SCEL: variants seen among roughly 807,000 people sequenced by gnomAD.
SCEL encodes the protein sciellin.
A neutral mutation model predicts 117.6 loss-of-function variants in SCEL; 113 were observed. The ratio of observed to expected loss-of-function variants is 0.96; its 90% CI spans 0.83 to 1.12. The LOEUF (loss-of-function observed/expected upper bound fraction) is 1.12, where lower values mean the gene tolerates loss of function less well. Ranked by LOEUF, SCEL falls within the 50% of genes most tolerant of loss-of-function variation. SCEL has a pLI of 0.00. For missense variants in SCEL, 785 were observed against 810.8 expected (o/e 0.97, Z 0.39); for synonymous variants, 270 against 256.2 (o/e 1.05, Z -0.51).
chr13:77,614,819 T>C (rs940488441), intron 24 of SCEL, among the ~76,000 whole-genome samples: 1 of 152,146 alleles, frequency 6.6e-6, no homozygotes, highest in African/African-American at 2.4e-5. Flanking sequence ...CTATGATCTC[T>C]TAGGCAGTGA....
chr13:77,540,789 CAGAA>C (rs1277696454), intron 1 of SCEL, among the ~76,000 whole-genome samples: 1 of 152,280 alleles, frequency 6.6e-6, no homozygotes, highest in South Asian at 2.1e-4. Flanking sequence ...TTTATCCTGA[CAGAA>C]AGGGAACACC....
intron 24 of SCEL, among the ~76,000 whole-genome samples, chr13:77,614,925 A>G (rs921358838): frequency 6.6e-5 from 10 of 152,122 alleles, no homozygotes; most frequent in African/African-American, 2.4e-4. Context: ...CAAAAAGAGA[A>G]TTCAGTAGAC....
Position 77,563,897 on chromosome 13 carries a change from C to G in SCEL, c.288C>G (p.Asp96Glu), listed in dbSNP as rs751441394. The change falls in exon 5 of 33, where the codon GAC becomes GAG. Residue 96 changes from aspartate to glutamate, a missense_variant and splice_region_variant. Physicochemically the swap from Asp to Glu is conservative, Grantham distance 45 (BLOSUM62 2). Coordinates refer to ENST00000349847, the MANE Select transcript of SCEL (RefSeq NM_144777.3). ...GGTACAGTTCTGATGACACTTTGGA[C>G]AGGTAAGGGGCTTTTGAACCATATA... ...ISRYSSDDTL[D>E]RISDRNDAAK... 17 of 1,585,844 alleles carry G rather than the reference C, an allele frequency of 1.1e-5. No homozygotes were observed. In the Admixed American group the frequency reaches 2.0e-4, roughly 19 times the overall value.
At chr13:77,634,278 A>G in intron 28 of SCEL, 101 bp from the exon 29 acceptor site, 1 of 960,948 alleles carries the variant, frequency 1.0e-6, no homozygotes, top group Non-Finnish European at 1.6e-6. Flanking sequence ...TTCAGAAGGA[A>G]CATATATTCA....
At chr13:77,547,042 T>C (rs537278807) in intron 1 of SCEL, among the ~76,000 whole-genome samples, 2 of 152,296 alleles carry the variant, frequency 1.3e-5, no homozygotes, top group South Asian at 4.1e-4. Flanking sequence ...CTGAGAAATG[T>C]GGCTTTAGAT....
At chr13:77,636,570 AGTG>A (rs1206422980) in intron 29 of SCEL, among the ~76,000 whole-genome samples, 1 of 152,224 alleles carries the variant, frequency 6.6e-6, no homozygotes, top group Non-Finnish European at 1.5e-5. Flanking sequence ...TCCAGGAAAT[AGTG>A]GTGTTTAAAA....
Position 77,638,881 on chromosome 13 carries a change from C to T in SCEL, c.1838+1687C>T, listed in dbSNP as rs148241262. Among the ~76,000 whole-genome samples the T allele has an allele frequency of 4.4e-3, 663 of 152,146 alleles. 8 individuals are homozygous for T. Among genetic ancestry groups the T allele is most frequent in the African/African-American group, 0.015 (640 of 41,500 alleles). ...GAATTCCTCCACCAACCCCTCATCCCCACCCCACCAAGCCCACCTTGAGAG... is the reference window on the plus strand; with the variant it reads ...GAATTCCTCCACCAACCCCTCATCCTCACCCCACCAAGCCCACCTTGAGAG... On this transcript the variant is annotated intron_variant, in intron 30 of 32. Transcript: ENST00000349847.
rs2087041478 is a variant in SCEL at position 77,593,516 on chromosome 13, G to A, written c.695G>A (p.Ser232Asn). 6.2e-7 allele frequency: 1 copy of A among 1,611,270 alleles called. No individual in the cohort carries two copies. The highest frequency in any genetic ancestry group is 1.3e-5 in the African/African-American group (1 of 74,900). The stretch of plus-strand genomic sequence containing the variant: ...TATTTATTTTTCATTGTTTGAAGGA[G>A]TCAGGATCTTGATAACATCGTCAAA... ...TNRSAERNIRSQDLDNIVKVA... is the reference protein window; with the variant it reads ...TNRSAERNIRNQDLDNIVKVA... Residue 232 changes from serine (S) to asparagine (N), a missense_variant and splice_region_variant, in exon 12 of 33, where the codon AGT becomes AAT. Physicochemically the swap from Ser to Asn is conservative, Grantham distance 46. Coordinates refer to ENST00000349847, the MANE Select transcript of SCEL (RefSeq NM_144777.3).
At chr13:77,546,213 C>G (rs2083981842) in intron 1 of SCEL, among the ~76,000 whole-genome samples, 1 of 152,192 alleles carries the variant, frequency 6.6e-6, no homozygotes, top group South Asian at 2.1e-4. Flanking sequence ...CTCCTCTCAC[C>G]TGCTCTCCCA....
At chr13:77,563,284 C>CTTCCT (rs894758193) in intron 4 of SCEL, among the ~76,000 whole-genome samples, 7 of 151,598 alleles carry the variant, frequency 4.6e-5, no homozygotes, top group East Asian at 1.9e-4. Context: ...TTCCTGTTTC[C>CTTCCT]TTCCTTTCCT....
chr13:77,555,743 C>T, intron 1 of SCEL, 114 bp from the exon 2 acceptor site: 1 of 710,354 alleles, frequency 1.4e-6, no homozygotes, highest in East Asian at 2.6e-5. Flanking sequence ...TTTGTTATGA[C>T]AGATCCTGTG....
Position 77,602,680 on chromosome 13 carries a change from A to C in SCEL, c.1004A>C (p.Lys335Thr). The part of the protein sequence containing the change: ...KGRQNLESVA[K>T]VNARMNKTSR... ...AGACAAAATCTCGAATCTGTTGCTA[A>C]AGTGAATGCCAGGATGAATAAAACG... The change falls in exon 17 of 33, where the codon AAA (lysine) becomes ACA (threonine). Residue 335 changes from lysine (K) to threonine (T), a missense_variant. By Grantham distance (78) the Lys-to-Thr change is moderately conservative. Coordinates refer to ENST00000349847, the MANE Select transcript of SCEL (RefSeq NM_144777.3). 6.2e-7 allele frequency: 1 copy of C among 1,613,824 alleles called. No individual in the cohort carries two copies. Among genetic ancestry groups the C allele is most frequent in the Non-Finnish European group, 8.5e-7 (1 of 1,179,830 alleles).
chr13:77,615,998 GTC>G (rs35805753), intron 24 of SCEL, among the ~76,000 whole-genome samples: 26,346 of 135,804 alleles, frequency 0.19, 2,619 homozygotes, highest in African/African-American at 0.3. Flanking sequence ...TAAAATTTAT[GTC>G]TCTCTGTGTG....
intron 27 of SCEL, among the ~76,000 whole-genome samples, chr13:77,625,421 T>G (rs1411860287): frequency 6.6e-6 from 1 of 152,204 alleles, no homozygotes; most frequent in Non-Finnish European, 1.5e-5. Context: ...GAGATTATCG[T>G]ACTCAGTTCT....
chr13:77,624,881 A>T (rs1003152309), intron 27 of SCEL, among the ~76,000 whole-genome samples: 2 of 152,220 alleles, frequency 1.3e-5, no homozygotes, highest in Non-Finnish European at 2.9e-5. Flanking sequence ...GAGCTGGATA[A>T]GGTTGTAAGA....
At chr13:77,560,613 A>G (rs947819827) in intron 4 of SCEL, among the ~76,000 whole-genome samples, 22 of 152,252 alleles carry the variant, frequency 1.4e-4, no homozygotes, top group African/African-American at 5.1e-4. Context: ...CTCAGTGGCA[A>G]ATAGACTGAT....
chr13:77,630,707 T>C (rs961597316), intron 28 of SCEL, among the ~76,000 whole-genome samples: 1 of 152,210 alleles, frequency 6.6e-6, no homozygotes, highest in African/African-American at 2.4e-5. Flanking sequence ...GTAGGGAACA[T>C]TTTCTCAAGT....
intron 17 of SCEL, 132 bp from the exon 18 acceptor site, chr13:77,602,944 A>G (rs1424340112): frequency 1.2e-5 from 8 of 647,836 alleles, no homozygotes; most frequent in Non-Finnish European, 2.0e-5. Flanking sequence ...CAATTTTTAT[A>G]CTTAAAGCCA....
At chr13:77,538,837 C>G (rs1015757990) in intron 1 of SCEL, among the ~76,000 whole-genome samples, 5 of 152,138 alleles carry the variant, frequency 3.3e-5, no homozygotes, top group Admixed American at 3.3e-4. Flanking sequence ...ATGAAGCCTC[C>G]TGGGGAAAGA....
Sources: gnomAD v4.1 joint callset for allele counts (sites outside exome capture counted in the v4.1 genomes callset) on GRCh38, gnomAD v4.1.1 for gene constraint, MANE v1.5 for transcripts, NCBI Gene and HGNC (gene_info 2026-07-23, HGNC 2026-07-21) for gene names.